CEP85L: variants seen among roughly 807,000 people sequenced by gnomAD.
CEP85L encodes the protein centrosomal protein of 85 kDa-like.
In CEP85L, 60 loss-of-function variants were observed where a neutral mutation model predicts 100.3. The observed-to-expected ratio is 0.60, with a 90% CI of 0.49 to 0.74. CEP85L has a LOEUF of 0.74. Among genes scored for constraint, CEP85L ranks in the 30% least tolerant of loss-of-function variants. CEP85L has a pLI of 0.00. For missense variants in CEP85L, 973 were observed against 936.2 expected, an observed-to-expected ratio of 1.04 and a Z score of -0.51; for synonymous variants, 319 against 322.7, an observed-to-expected ratio of 0.99 and a Z score of 0.12.
At chr6:118,534,947 G>A (rs1777503530) in intron 3 of CEP85L, among the ~76,000 whole-genome samples, 1 of 152,110 alleles carries the variant, frequency 6.6e-6, no homozygotes, top group African/African-American at 2.4e-5. Flanking sequence ...TTGAACCTGG[G>A]AGGCAGAAGT....
At chr6:118,610,787 A>G (rs1262561598) in intron 2 of CEP85L, among the ~76,000 whole-genome samples, 4 of 152,188 alleles carry the variant, frequency 2.6e-5, no homozygotes, top group Admixed American at 6.5e-5. Flanking sequence ...CAACTTATCA[A>G]TGGGGGAGGG....
intron 1 of CEP85L, among the ~76,000 whole-genome samples, chr6:118,704,040 G>A (rs1777513374): frequency 6.6e-6 from 1 of 152,062 alleles, no homozygotes; most frequent in African/African-American, 2.4e-5. Context: ...CCTTTTAAGA[G>A]ACAAATATAG....
intron 1 of CEP85L, among the ~76,000 whole-genome samples, chr6:118,675,039 A>C (rs1241979456): frequency 6.6e-6 from 1 of 152,184 alleles, no homozygotes; most frequent in Non-Finnish European, 1.5e-5. Context: ...ATAATAGCCC[A>C]AAAATAGAAA....
At chr6:118,600,618 A>G (rs1026475024) in intron 2 of CEP85L, among the ~76,000 whole-genome samples, 1 of 150,570 alleles carries the variant, frequency 6.6e-6, no homozygotes, top group African/African-American at 2.4e-5. Flanking sequence ...CACCACACCC[A>G]GCCCTGGGGT....
chr6:118,485,504 A>G (rs993711359), intron 6 of CEP85L, among the ~76,000 whole-genome samples: 1 of 152,178 alleles, frequency 6.6e-6, no homozygotes, highest in Non-Finnish European at 1.5e-5. Flanking sequence ...AACACATCCT[A>G]TTATTTATTG....
In CEP85L at chr6:118,470,564, T is replaced by C; in HGVS notation, c.1995A>G (p.Val665=). 2 of 1,604,672 alleles carry C rather than the reference T, an allele frequency of 1.2e-6. No homozygotes were observed. The highest frequency in any genetic ancestry group is 1.7e-6 in the Non-Finnish European group (2 of 1,175,178). ...MEELEKKERN[V]QRLTKALLEN... Reference sequence around the variant, plus strand: ...CAAGCAATGCTTTTGTTAATCTCTGTACATTTCTTTCTTTCTTTTCCAGCT... The same window carrying C: ...CAAGCAATGCTTTTGTTAATCTCTGCACATTTCTTTCTTTCTTTTCCAGCT... The change falls in exon 11 of 13, where the codon GTA becomes GTG. Residue 665 remains valine, a synonymous_variant. Coordinates refer to ENST00000368491, the MANE Select transcript of CEP85L (RefSeq NM_001042475.3).
At chr6:118,643,853 G>A (rs934263139) in intron 1 of CEP85L, among the ~76,000 whole-genome samples, 22 of 152,132 alleles carry the variant, frequency 1.4e-4, no homozygotes, top group Admixed American at 1.3e-3. Flanking sequence ...CAGTTCAGAC[G>A]CCCTGAGCAG....
chr6:118,621,833 T>A (rs1408129269), intron 2 of CEP85L, among the ~76,000 whole-genome samples: 4 of 152,070 alleles, frequency 2.6e-5, no homozygotes. Flanking sequence ...CAACTGTGAA[T>A]CCCTGGATAC....
chr6:118,626,106 G>A (rs1353585090), intron 2 of CEP85L, among the ~76,000 whole-genome samples: 1 of 152,184 alleles, frequency 6.6e-6, no homozygotes, highest in Non-Finnish European at 1.5e-5. Context: ...AGGGGGGACT[G>A]AGAGGTGATG....
chr6:118,518,289 A>G (rs983251396), intron 4 of CEP85L, among the ~76,000 whole-genome samples: 2 of 152,166 alleles, frequency 1.3e-5, no homozygotes, highest in African/African-American at 2.4e-5. Flanking sequence ...TGTTTGAAAT[A>G]GTTTCAGAAG....
At chr6:118,647,114 T>C in intron 1 of CEP85L, 1 of 965,338 alleles carries the variant, frequency 1.0e-6, no homozygotes, top group Non-Finnish European at 1.2e-6. Flanking sequence ...TTCCTAGAAG[T>C]CCATCTAATT....
intron 3 of CEP85L, among the ~76,000 whole-genome samples, chr6:118,561,057 G>C (rs568009700): frequency 2.0e-5 from 3 of 152,176 alleles, no homozygotes; most frequent in Non-Finnish European, 4.4e-5. Flanking sequence ...AATAGTGAAG[G>C]AGACACTATT....
At chr6:118,519,432 CTGTGTGTGTGTGTGTGTG>C (rs546998242) in intron 4 of CEP85L, among the ~76,000 whole-genome samples, 3 of 23,972 alleles carry the variant, frequency 1.3e-4, no homozygotes, top group Non-Finnish European at 2.1e-4. Context: ...GAGCAAAACT[CTGTGTGTGTGTGTGTGTG>C]TGTGTGTGTG....
At chr6:118,684,149 A>G (rs1174686839) in intron 1 of CEP85L, among the ~76,000 whole-genome samples, 2 of 152,238 alleles carry the variant, frequency 1.3e-5, no homozygotes, top group Non-Finnish European at 2.9e-5. Flanking sequence ...AATAGCGATT[A>G]AAAATCAAAA....
rs1487805017 is a variant in CEP85L at position 118,604,235 on chromosome 6, T to G, written c.232+28218A>C. ...TAATCGGTTTGACCATAAGGTAAGA[T>G]TCTTATAACCCTTTACATTTTTTTG... On this transcript the variant is annotated intron_variant, in intron 2 of 12. Coordinates refer to ENST00000368491, the MANE Select transcript of CEP85L (RefSeq NM_001042475.3). Among the ~76,000 whole-genome samples, 3 of 152,226 alleles carry G rather than the reference T, an allele frequency of 2.0e-5. No individual in the cohort carries two copies. The East Asian group carries it at 5.8e-4, about 29-fold the overall frequency.
intron 4 of CEP85L, among the ~76,000 whole-genome samples, chr6:118,512,115 G>A (rs1275515470): frequency 1.3e-5 from 2 of 152,116 alleles, no homozygotes; most frequent in East Asian, 3.8e-4. Context: ...ATTAAGAACA[G>A]TAATCTCTTA....
chr6:118,514,479 C>G (rs1191305466), intron 4 of CEP85L, among the ~76,000 whole-genome samples: 1 of 143,080 alleles, frequency 7.0e-6, no homozygotes, highest in Non-Finnish European at 1.5e-5. Flanking sequence ...GAGCTGAGAT[C>G]GTGCCATTGC....
At position 118,469,184 on chromosome 6, in the gene CEP85L, C is replaced by T; in HGVS notation, c.2142G>A (p.Gln714=). The change falls in exon 12 of 13, where the codon CAG becomes CAA. Residue 714 remains glutamine (Q), a synonymous_variant. Coordinates refer to ENST00000368491, the MANE Select transcript of CEP85L (RefSeq NM_001042475.3). ...RPLFDLTVID[Q]LFKEMSCCLF... Reference sequence around the variant, plus strand: ...AACAACAGGACATTTCCTTGAACAGCTGATCAATCACAGTCAAATCAAATA... The same window carrying T: ...AACAACAGGACATTTCCTTGAACAGTTGATCAATCACAGTCAAATCAAATA... The T allele has an allele frequency of 6.2e-7, 1 of 1,614,020 alleles. No homozygotes were observed. The highest frequency in any genetic ancestry group is 8.5e-7 in the Non-Finnish European group (1 of 1,179,918).
At chr6:118,507,506 A>G (rs1030419386) in intron 5 of CEP85L, among the ~76,000 whole-genome samples, 2 of 152,200 alleles carry the variant, frequency 1.3e-5, no homozygotes, top group Non-Finnish European at 2.9e-5. Flanking sequence ...TAATAAATTT[A>G]TAAGCACAGC....
Sources: gnomAD v4.1 joint callset for allele counts (sites outside exome capture counted in the v4.1 genomes callset) on GRCh38, gnomAD v4.1.1 for gene constraint, MANE v1.5 for transcripts, NCBI Gene and HGNC (gene_info 2026-07-23, HGNC 2026-07-21) for gene names.